Variants in ATG3 observed in about 807,000 individuals in gnomAD.
ATG3 encodes the protein autophagy related 3.
ATG3 carries 25 observed loss-of-function variants against 50.7 expected under a neutral mutation model. The observed-to-expected ratio is 0.49, with a 90% CI of 0.36 to 0.69. The LOEUF (loss-of-function observed/expected upper bound fraction) is 0.69. ATG3 is among the 30% of genes least tolerant of loss of function. The pLI is 0.00. For synonymous variants in ATG3, 119 were observed against 125.5 expected, an observed-to-expected ratio of 0.95 and a Z score of 0.34; for missense variants, 281 against 376.0, an observed-to-expected ratio of 0.75 and a Z score of 2.09.
At chr3:112,534,036 C>A in intron 11 of ATG3, 1 of 1,241,542 alleles carries the variant, frequency 8.1e-7, no homozygotes, top group Non-Finnish European at 1.0e-6. Context: ...GTAGTTACCT[C>A]TGTAACAAGG....
At position 112,548,739 on chromosome 3, in the gene ATG3, TACC is replaced by T. The variant is rs1359400578; in HGVS notation, c.236-102_236-100del. 1.3e-5 allele frequency: 12 copies of T among 957,418 alleles called. No homozygotes were observed. In the Admixed American group the frequency reaches 1.4e-4, roughly 11 times the overall value. 59.3% of individuals were successfully genotyped at this position (957,418 alleles called of 1,614,324 possible). A position where few individuals can be genotyped will look rare whatever the true frequency, so the allele number is the denominator to read the frequency against. On this transcript the variant is annotated intron_variant, in intron 4 of 11. Coordinates refer to ENST00000283290, the MANE Select transcript of ATG3 (RefSeq NM_022488.5). The stretch of plus-strand genomic sequence containing the variant: ...CTTAGTCCATAAAATAGGGTGTTTA[TACC>T]ACCAAAGTACTAAGTGAATATTTCA...
chr3:112,556,402 G>T (rs1243348050), intron 2 of ATG3, among the ~76,000 whole-genome samples: 1 of 143,794 alleles, frequency 7.0e-6, no homozygotes, highest in Admixed American at 6.9e-5. Context: ...GGAGGGAGGT[G>T]GGGGGGTCAG....
At chr3:112,543,195 C>T (rs1234392442) in intron 6 of ATG3, among the ~76,000 whole-genome samples, 1 of 151,942 alleles carries the variant, frequency 6.6e-6, no homozygotes, top group African/African-American at 2.4e-5. Flanking sequence ...ACTAGGAACA[C>T]AATTATTCCA....
In ATG3 at chr3:112,537,826, T is replaced by A. The variant is rs756380197; in HGVS notation, c.575A>T (p.Asp192Val). The change falls in exon 9 of 12, where the codon GAT becomes GTT. Residue 192 changes from aspartate to valine, a missense_variant. Around this residue, in one of 3 missense-constraint regions of ATG3, gnomAD observed 242 missense variants for 305.0 expected, o/e 0.79. Transcript: ENST00000283290. ...CKAKTDAGGE[D>V]AILQTRTYDL... ...ATAAGTTCTGGTTTGCAAAATAGCA[T>A]CTTCACCGCCAGCATCAGTTTTGGC... 1 of 1,612,876 alleles carries A rather than the reference T, an allele frequency of 6.2e-7. No homozygotes were observed. The highest frequency in any genetic ancestry group is 1.7e-5 in the Admixed American group (1 of 59,934).
intron 3 of ATG3, 123 bp downstream of exon 3, chr3:112,553,157 T>C: frequency 1.3e-6 from 1 of 776,408 alleles, no homozygotes; most frequent in Non-Finnish European, 2.2e-6. Flanking sequence ...AACAGAAGAA[T>C]CTGCTGGGGG....
At chr3:112,543,625 T>A (rs1006484918) in intron 6 of ATG3, among the ~76,000 whole-genome samples, 1 of 152,128 alleles carries the variant, frequency 6.6e-6, no homozygotes, top group African/African-American at 2.4e-5. Context: ...AGCTATAAAA[T>A]TTAAATGTTA....
At chr3:112,553,241 A>G in intron 3 of ATG3, 39 bp downstream of exon 3, 12 of 1,544,514 alleles carry the variant, frequency 7.8e-6, no homozygotes, top group Non-Finnish European at 9.8e-6. Context: ...GAAGCCATGC[A>G]TTTTACTAAT....
Position 112,536,480 on chromosome 3 carries a change from T to C in ATG3, c.789A>G (p.Pro263=), listed in dbSNP as rs140568886. 4.8e-5 allele frequency: 77 copies of C among 1,613,278 alleles called. No homozygotes were observed. The highest frequency in any genetic ancestry group is 1.0e-5 in the Non-Finnish European group (12 of 1,179,352). Residue 263 remains proline, a synonymous_variant, in exon 10 of 12, where the codon CCA becomes CCG. Transcript: ENST00000283290. ...TTATCTCTACATATACAGACCTGCA[T>C]GGGTGAACTGAACACATGGGAGGTG... ...LPPPPMCSVH[P]CRHAEVMKKI... is the part of the protein sequence containing the mutation.
At chr3:112,549,561 C>A (rs913175887) in intron 4 of ATG3, among the ~76,000 whole-genome samples, 5 of 152,216 alleles carry the variant, frequency 3.3e-5, no homozygotes, top group African/African-American at 4.8e-5. Context: ...GTAATCCCAG[C>A]ACTTTGGGAG....
chr3:112,551,439 T>G (rs999510614), intron 3 of ATG3, among the ~76,000 whole-genome samples: 6 of 152,196 alleles, frequency 3.9e-5, no homozygotes, highest in Admixed American at 3.3e-4. Context: ...AATTTTTCCT[T>G]TGGCCCAGGA....
intron 5 of ATG3, among the ~76,000 whole-genome samples, chr3:112,547,797 C>A (rs184379603): frequency 6.6e-6 from 1 of 152,224 alleles, no homozygotes; most frequent in East Asian, 1.9e-4. Flanking sequence ...CTGAAAATTT[C>A]TTTTAGTCGT....
At position 112,534,310 on chromosome 3, in the gene ATG3, A is replaced by G. The variant is rs748477403; in HGVS notation, c.822T>C (p.Ile274=). ...CTCCCCCTCCTTCTGCAACAGTCTCAATGATTTTCTTCATCACCTCAGCAT... is the reference window on the plus strand; with the variant it reads ...CTCCCCCTCCTTCTGCAACAGTCTCGATGATTTTCTTCATCACCTCAGCAT... ...CRHAEVMKKI[I]ETVAEGGGEL... Residue 274 remains isoleucine (I), a synonymous_variant, in exon 11 of 12, where the codon ATT becomes ATC. Coordinates refer to ENST00000283290, the MANE Select transcript of ATG3 (RefSeq NM_022488.5). The G allele has an allele frequency of 6.3e-7, 1 of 1,593,582 alleles. No homozygotes were observed. Among genetic ancestry groups the G allele is most frequent in the Non-Finnish European group, 8.5e-7 (1 of 1,171,136 alleles).
At chr3:112,546,792 G>A (rs1933381967) in intron 5 of ATG3, among the ~76,000 whole-genome samples, 1 of 152,194 alleles carries the variant, frequency 6.6e-6, no homozygotes, top group Non-Finnish European at 1.5e-5. Flanking sequence ...TTCCAGGCAT[G>A]GAAAAGTCAA....
In ATG3 at chr3:112,552,882, G is replaced by A. The variant is rs189770906; in HGVS notation, c.164+398C>T. On this transcript the variant is annotated intron_variant, in intron 3 of 11. Coordinates refer to ENST00000283290, the MANE Select transcript of ATG3 (RefSeq NM_022488.5). Reference sequence around the variant, plus strand: ...AGGATGGTCTCCATCTCCTGACCTCGTGATCTGCCCGCCTCAGCCTCCCAA... The same window carrying A: ...AGGATGGTCTCCATCTCCTGACCTCATGATCTGCCCGCCTCAGCCTCCCAA... 7.2e-5 allele frequency among the ~76,000 whole-genome samples: 11 copies of A among 152,058 alleles called. No homozygotes were observed. In the East Asian group the frequency reaches 1.5e-3, roughly 21 times the overall value.
At chr3:112,545,146 C>T (rs1933339523) in intron 5 of ATG3, among the ~76,000 whole-genome samples, 1 of 152,108 alleles carries the variant, frequency 6.6e-6, no homozygotes, top group Admixed American at 6.6e-5. Context: ...GAAATGAAGT[C>T]ACTGGAGAGA....
intron 1 of ATG3, among the ~76,000 whole-genome samples, chr3:112,559,177 CTTAT>C (rs1485187252): frequency 1.3e-5 from 2 of 152,114 alleles, no homozygotes; most frequent in Non-Finnish European, 2.9e-5. Context: ...TTCAGCCAGT[CTTAT>C]TTAAACTGAA....
intron 1 of ATG3, among the ~76,000 whole-genome samples, chr3:112,559,256 T>C (rs1414289568): frequency 6.6e-6 from 1 of 152,214 alleles, no homozygotes; most frequent in Non-Finnish European, 1.5e-5. Flanking sequence ...TCCACCAAGA[T>C]ACTGACACAC....
chr3:112,557,210 C>A (rs541164999), intron 2 of ATG3, among the ~76,000 whole-genome samples: 1 of 143,140 alleles, frequency 7.0e-6, no homozygotes, highest in South Asian at 2.2e-4. Flanking sequence ...CACCATCACG[C>A]CCCGCTAATT....
chr3:112,537,225 T>C (rs1397229112), intron 9 of ATG3, among the ~76,000 whole-genome samples: 1 of 152,212 alleles, frequency 6.6e-6, no homozygotes, highest in Non-Finnish European at 1.5e-5. Flanking sequence ...GCTCATCTTT[T>C]AGACTGACTT....
Sources: allele counts gnomAD v4.1 joint callset (sites outside exome capture counted in the v4.1 genomes callset), GRCh38; gene constraint gnomAD v4.1.1; regional missense constraint gnomAD v4.1.1; transcripts MANE v1.5; gene names NCBI Gene and HGNC (gene_info 2026-07-23, HGNC 2026-07-21).